Variants in CETN3 observed in about 807,000 individuals in gnomAD.
The protein encoded by CETN3 is centrin 3.
In CETN3, 17 loss-of-function variants were observed where a neutral mutation model predicts 20.1. That is an observed-to-expected ratio of 0.85 (90% CI 0.58 to 1.27). The LOEUF (loss-of-function observed/expected upper bound fraction) is 1.27. Ranked by LOEUF, CETN3 falls within the 50% of genes most tolerant of loss-of-function variation. CETN3 has a pLI of 0.00. For missense variants in CETN3, 169 were observed against 191.2 expected (o/e 0.88, Z 0.69); for synonymous variants, 52 against 59.7 (o/e 0.87, Z 0.59).
At chr5:90,406,871 G>C (rs1749462879) in intron 2 of CETN3, among the ~76,000 whole-genome samples, 1 of 149,292 alleles carries the variant, frequency 6.7e-6, no homozygotes, top group South Asian at 2.1e-4. Context: ...AAAACAGTGG[G>C]AAAAGAGAGC....
At chr5:90,406,454 C>CA (rs1749445028) in intron 2 of CETN3, among the ~76,000 whole-genome samples, 2 of 151,228 alleles carry the variant, frequency 1.3e-5, no homozygotes, top group African/African-American at 4.9e-5. Flanking sequence ...GTTTACCTCA[C>CA]CTGAATTAGA....
chr5:90,394,215 A>C (rs1749089206), intron 4 of CETN3, 108 bp from the exon 5 acceptor site: 3 of 666,026 alleles, frequency 4.5e-6, no homozygotes, highest in Non-Finnish European at 7.6e-6. Context: ...ACATTATGCA[A>C]AATTATTACA....
In CETN3 at chr5:90,407,776, G is replaced by C; in HGVS notation, c.76C>G (p.Gln26Glu). 13 of 1,602,144 alleles carry C rather than the reference G, an allele frequency of 8.1e-6. No homozygotes were observed. Among genetic ancestry groups the C allele is most frequent in the Non-Finnish European group, 1.1e-5 (13 of 1,173,030 alleles). ...RKKRRELSEE[Q>E]KQEIKDAFEL... is the part of the protein sequence containing the mutation. ...AAAGCATCTTTAATTTCTTGTTTCT[G>C]TTCCTCAGACAGTTCTCTTCTTTTT... The change falls in exon 2 of 5, where the codon CAG (glutamine) becomes GAG (glutamate). Residue 26 changes from glutamine to glutamate, a missense_variant. Transcript: ENST00000283122.
intron 3 of CETN3, among the ~76,000 whole-genome samples, chr5:90,402,916 C>A (rs1011471436): frequency 2.0e-5 from 3 of 152,084 alleles, no homozygotes. Flanking sequence ...GTACCTAATA[C>A]CAAAAAATTC....
At chr5:90,402,708 A>G (rs1324007860) in intron 3 of CETN3, among the ~76,000 whole-genome samples, 2 of 152,190 alleles carry the variant, frequency 1.3e-5, no homozygotes, top group Non-Finnish European at 2.9e-5. Flanking sequence ...AAAGCTGCAT[A>G]AAAGAAGGGG....
chr5:90,406,159 C>A (rs1749433407), intron 2 of CETN3, among the ~76,000 whole-genome samples: 2 of 151,976 alleles, frequency 1.3e-5, no homozygotes, highest in Non-Finnish European at 2.9e-5. Context: ...TAAACAGTTA[C>A]ATGATAGAAG....
intron 3 of CETN3, among the ~76,000 whole-genome samples, chr5:90,400,664 C>A (rs150043413): frequency 6.7e-6 from 1 of 148,360 alleles, no homozygotes; most frequent in African/African-American, 2.5e-5. Context: ...GAAAAAAATA[C>A]AATCGAAGTC....
chr5:90,406,784 T>C (rs76863451), intron 2 of CETN3, among the ~76,000 whole-genome samples: 6,824 of 127,838 alleles, frequency 0.053, 534 homozygotes, highest in African/African-American at 0.19. Context: ...CAAACCAAGA[T>C]AGTCAATGGT....
At chr5:90,400,229 A>G (rs1458345931) in intron 3 of CETN3, among the ~76,000 whole-genome samples, 1 of 152,184 alleles carries the variant, frequency 6.6e-6, no homozygotes, top group Non-Finnish European at 1.5e-5. Flanking sequence ...AGGTCTCCTT[A>G]AAGCTTACCC....
chr5:90,402,770 G>A (rs1749331277), intron 3 of CETN3, among the ~76,000 whole-genome samples: 1 of 152,194 alleles, frequency 6.6e-6, no homozygotes, highest in Non-Finnish European at 1.5e-5. Flanking sequence ...TATAGTTGCT[G>A]ACTTCTGTCC....
intron 2 of CETN3, among the ~76,000 whole-genome samples, chr5:90,406,844 AAAAAAAAAAAAC>A (rs1339911377): frequency 7.0e-6 from 1 of 142,872 alleles, no homozygotes; most frequent in Non-Finnish European, 1.5e-5. Context: ...GGTAACCAAA[AAAAAAAAAAAAC>A]AAAAAAAACA....
At chr5:90,401,209 CT>C (rs1230903353) in intron 3 of CETN3, among the ~76,000 whole-genome samples, 1 of 152,096 alleles carries the variant, frequency 6.6e-6, no homozygotes, top group Non-Finnish European at 1.5e-5. Context: ...AATATTCTTC[CT>C]TAAAATGCAG....
At chr5:90,403,783 AT>A (rs1394321235) in intron 3 of CETN3, among the ~76,000 whole-genome samples, 2 of 143,382 alleles carry the variant, frequency 1.4e-5, no homozygotes, top group African/African-American at 5.1e-5. Context: ...AGGCAGGAGA[AT>A]GGCGTGAACC....
intron 1 of CETN3, among the ~76,000 whole-genome samples, chr5:90,408,525 G>C (rs1749527664): frequency 6.6e-6 from 1 of 152,128 alleles, no homozygotes; most frequent in South Asian, 2.1e-4. Flanking sequence ...AAAATGTGAT[G>C]AGTCTTGTCT....
chr5:90,409,153 CAA>C (rs776240327), intron 1 of CETN3, among the ~76,000 whole-genome samples: 2 of 152,140 alleles, frequency 1.3e-5, no homozygotes, highest in African/African-American at 4.8e-5. Flanking sequence ...GACAGACTGC[CAA>C]TTAAAGTCAC....
chr5:90,407,884 A>G, intron 1 of CETN3, 50 bp from the exon 2 acceptor site: 2 of 1,425,120 alleles, frequency 1.4e-6, no homozygotes, highest in South Asian at 1.6e-5. Flanking sequence ...TCTCTTTACT[A>G]ACAGAAATTA....
rs34636995 is a variant in CETN3 at position 90,396,018 on chromosome 5, GA to G, written c.461-1912del. 1.1e-5 allele frequency: 10 copies of G among 891,248 alleles called. No individual in the cohort carries two copies. In the East Asian group the frequency reaches 8.4e-4, roughly 75 times the overall value. 55.2% of individuals were successfully genotyped at this position (891,248 alleles called of 1,614,324 possible). A position where few individuals can be genotyped will look rare whatever the true frequency, so the allele number is the denominator to read the frequency against. ...TTAAAACAAAGACCAAATCAGTGTT[GA>G]AAAAAAATCCTTCACAATGGTAAAA... On this transcript the variant is annotated intron_variant, in intron 4 of 4. Coordinates refer to ENST00000283122, the MANE Select transcript of CETN3 (RefSeq NM_004365.4).
At chr5:90,400,267 CAACT>C (rs2151882659) in intron 3 of CETN3, among the ~76,000 whole-genome samples, 1 of 152,244 alleles carries the variant, frequency 6.6e-6, no homozygotes, top group East Asian at 1.9e-4. Flanking sequence ...CACTCTCAGA[CAACT>C]AACTAAAAAT....
chr5:90,398,233 GAGA>G (rs766803786), intron 4 of CETN3, among the ~76,000 whole-genome samples: 2 of 152,012 alleles, frequency 1.3e-5, no homozygotes, highest in Non-Finnish European at 1.5e-5. Flanking sequence ...GTCACAAAGA[GAGA>G]AGAACACTAA....
Sources: allele counts gnomAD v4.1 joint callset (sites outside exome capture counted in the v4.1 genomes callset), GRCh38; gene constraint gnomAD v4.1.1; transcripts MANE v1.5; gene names NCBI Gene and HGNC (gene_info 2026-07-23, HGNC 2026-07-21).